Variants in CIT observed in about 807,000 individuals in gnomAD.
CIT encodes citron Rho-interacting kinase.
CIT carries 79 observed loss-of-function variants against 272.7 expected under a neutral mutation model. The observed-to-expected ratio is 0.29, with a 90% CI of 0.24 to 0.35. The LOEUF is 0.35. Ranked by LOEUF, CIT falls within the 10% of genes least tolerant of loss-of-function variation. The pLI, the probability that CIT is intolerant of heterozygous loss-of-function variation, is 1.00. For missense variants in CIT, 1,909 were observed against 2,618.3 expected, an observed-to-expected ratio of 0.73 and a Z score of 5.91; for synonymous variants, 948 against 995.6, an observed-to-expected ratio of 0.95 and a Z score of 0.90.
At chr12:119,797,293 T>C (rs1292446697) in intron 10 of CIT, among the ~76,000 whole-genome samples, 1 of 152,194 alleles carries the variant, frequency 6.6e-6, no homozygotes, top group Non-Finnish European at 1.5e-5. Context: ...AAAGGTATCT[T>C]TAAGACAAAT....
intron 40 of CIT, among the ~76,000 whole-genome samples, chr12:119,706,864 T>A (rs1956900413): frequency 6.6e-6 from 1 of 152,256 alleles, no homozygotes; most frequent in African/African-American, 2.4e-5. Context: ...ATCCCCACAC[T>A]GTCTTCCACA....
chr12:119,712,807 A>G lies in CIT; in HGVS notation c.4580-112T>C. ...GGAGAGAGAGACAGGGTACGTGTGT[A>G]AAGAGAGGCGCACGAGAACAAGGAA... On this transcript the variant is annotated intron_variant, in intron 35 of 47. Transcript: ENST00000392521. This position sits in a 1 kb window ranked among gnomAD's most constrained non-coding sequence, Gnocchi z 5.2. The G allele has an allele frequency of 1.2e-6, 1 of 805,946 alleles. No individual in the cohort carries two copies. The allele number at this position is 805,946 out of a possible 1,614,324, so 49.9% of individuals were successfully genotyped here.
At chr12:119,837,849 T>G (rs900477957) in intron 5 of CIT, among the ~76,000 whole-genome samples, 2 of 152,180 alleles carry the variant, frequency 1.3e-5, no homozygotes, top group Admixed American at 6.5e-5. Flanking sequence ...GTACAATCGC[T>G]TGAGGCCAGG....
chr12:119,766,890 G>A (rs1046056988), intron 19 of CIT, among the ~76,000 whole-genome samples, 197 bp downstream of exon 19: 8 of 149,856 alleles, frequency 5.3e-5, no homozygotes, highest in African/African-American at 1.7e-4. Flanking sequence ...AAAAAAAAAA[G>A]GTTTTTTTTT....
intron 7 of CIT, among the ~76,000 whole-genome samples, chr12:119,832,479 A>C (rs1293436764): frequency 6.6e-6 from 1 of 152,266 alleles, no homozygotes; most frequent in Non-Finnish European, 1.5e-5. Flanking sequence ...AACAAAAGAC[A>C]GTCTATAACA....
chr12:119,754,039 A>G (rs1182958398), intron 22 of CIT, among the ~76,000 whole-genome samples: 1 of 152,170 alleles, frequency 6.6e-6, no homozygotes, highest in Admixed American at 6.5e-5. Context: ...AGCCATGGCT[A>G]TTATCTCTCT....
chr12:119,741,601 G>A (rs563279425), intron 24 of CIT, among the ~76,000 whole-genome samples: 11 of 152,304 alleles, frequency 7.2e-5, no homozygotes, highest in Admixed American at 5.2e-4. Context: ...AATAAAATAT[G>A]TATGTGTGTG....
chr12:119,804,415 G>C lies in CIT; in HGVS notation c.1112-1026C>G. On this transcript the variant is annotated intron_variant, in intron 9 of 47. Transcript: ENST00000392521. This position sits in a 1 kb window ranked among gnomAD's most constrained non-coding sequence, Gnocchi z 5.3. The stretch of plus-strand genomic sequence containing the variant: ...CCCGCAGTGCAGGCTGCATGCTCCC[G>C]GCTCCGTGCGTGCGTGCTCTGGCTG... 1 of 985,702 alleles carries C rather than the reference G, an allele frequency of 1.0e-6. No homozygotes were observed. The highest frequency in any genetic ancestry group is 1.2e-6 in the Non-Finnish European group (1 of 830,160). 61.1% of individuals were successfully genotyped at this position (985,702 alleles called of 1,614,324 possible).
rs1966477558 is a variant in CIT at position 119,804,497 on chromosome 12, A to C, written c.1112-1108T>G. ...GGGCCAGTGCTGATCCCAGTGACAG[A>C]GCAGCATGAGTCACTGCCCGCCAGG... On this transcript the variant is annotated intron_variant, in intron 9 of 47. Coordinates refer to ENST00000392521, the MANE Select transcript of CIT (RefSeq NM_001206999.2). The surrounding 1 kb of genome is among the most constrained non-coding windows in gnomAD (Gnocchi z 5.3). The C allele has an allele frequency of 1.0e-6, 1 of 985,478 alleles. No homozygotes were observed. Among genetic ancestry groups the C allele is most frequent in the Non-Finnish European group, 1.2e-6 (1 of 830,044 alleles). 61.0% of individuals were successfully genotyped at this position (985,478 alleles called of 1,614,324 possible). A position where few individuals can be genotyped will look rare whatever the true frequency, so the allele number is the denominator to read the frequency against.
chr12:119,779,932 T>C (rs1407727033), intron 13 of CIT, among the ~76,000 whole-genome samples: 1 of 152,198 alleles, frequency 6.6e-6, no homozygotes, highest in Non-Finnish European at 1.5e-5. Flanking sequence ...TGAGAGGTGA[T>C]CATCAGGTCT....
chr12:119,850,371 G>C, intron 4 of CIT, 96 bp from the exon 5 acceptor site: 2 of 274,138 alleles, frequency 7.3e-6, no homozygotes, highest in Admixed American at 6.7e-5. Flanking sequence ...GATGTTTCTA[G>C]CTTTAAAAAA....
At chr12:119,803,979 T>C (rs751298789) in intron 9 of CIT, 10 of 192,398 alleles carry the variant, frequency 5.2e-5, no homozygotes, top group Non-Finnish European at 7.6e-5. Flanking sequence ...TCCGAGATCT[T>C]ATTAACCACT....
At chr12:119,815,238 A>T (rs1029117750) in intron 9 of CIT, among the ~76,000 whole-genome samples, 5 of 136,532 alleles carry the variant, frequency 3.7e-5, no homozygotes, top group African/African-American at 8.4e-5. Context: ...GGCCTTGTTT[A>T]AAAAAAAAAA....
chr12:119,821,408 T>G (rs1250886547), intron 9 of CIT, among the ~76,000 whole-genome samples: 1 of 152,274 alleles, frequency 6.6e-6, no homozygotes, highest in Non-Finnish European at 1.5e-5. Context: ...TTAAGCTTTA[T>G]ATAACATAGG....
intron 10 of CIT, among the ~76,000 whole-genome samples, chr12:119,800,962 G>A (rs1309073314): frequency 1.3e-5 from 2 of 152,164 alleles, no homozygotes; most frequent in African/African-American, 4.8e-5. Flanking sequence ...CAGCAGAGTA[G>A]CCAAGTCCAA....
intron 10 of CIT, among the ~76,000 whole-genome samples, chr12:119,791,462 G>A (rs77937183): frequency 3.3e-5 from 5 of 152,304 alleles, no homozygotes; most frequent in Non-Finnish European, 5.9e-5. Flanking sequence ...GTTCAGGGGA[G>A]TAATTAGGTG....
intron 40 of CIT, among the ~76,000 whole-genome samples, chr12:119,707,589 C>T (rs1956948267): frequency 6.6e-6 from 1 of 152,094 alleles, no homozygotes; most frequent in African/African-American, 2.4e-5. Context: ...GCAACCTCCG[C>T]CTCCTGGGTT....
chr12:119,876,121 A>G lies in CIT; in HGVS notation c.48T>C (p.Ala16=). Residue 16 remains alanine (A), a synonymous_variant, in exon 2 of 48, where the codon GCT becomes GCC. Coordinates refer to ENST00000392521, the MANE Select transcript of CIT (RefSeq NM_001206999.2). ...AGGCCCGGCTGGCAATGGGTTCAGC[A>G]GCACCAGCATCCAAAGGATTCCGCG... ...YGARNPLDAG[A]AEPIASRASR... The G allele has an allele frequency of 1.2e-6, 2 of 1,614,086 alleles. No homozygotes were observed. Among genetic ancestry groups the G allele is most frequent in the Non-Finnish European group, 1.7e-6 (2 of 1,179,960 alleles).
At chr12:119,859,884 A>T (rs1037031037) in intron 3 of CIT, among the ~76,000 whole-genome samples, 3 of 151,804 alleles carry the variant, frequency 2.0e-5, no homozygotes, top group Admixed American at 6.6e-5. Flanking sequence ...ATAGAATCAT[A>T]ACTCACTGCA....
Sources: gnomAD v4.1 joint callset for allele counts (sites outside exome capture counted in the v4.1 genomes callset) on GRCh38, gnomAD v4.1.1 for gene constraint, Gnocchi (gnomAD v3.1) non-coding constraint, MANE v1.5 for transcripts, NCBI Gene and HGNC (gene_info 2026-07-23, HGNC 2026-07-21) for gene names.